The following RBFOX1 variants were observed in gnomAD, a reference collection of about 807,000 sequenced individuals.
RBFOX1 encodes the protein RNA binding protein fox-1 homolog 1.
A neutral mutation model predicts 57.7 loss-of-function variants in RBFOX1; 8 were observed. The ratio of observed to expected loss-of-function variants is 0.14; its 90% CI spans 0.08 to 0.25. The LOEUF (loss-of-function observed/expected upper bound fraction) is 0.25. Among genes scored for constraint, RBFOX1 ranks in the 10% least tolerant of loss-of-function variants. The pLI is 1.00. For missense variants in RBFOX1, 611 were observed against 548.5 expected (o/e 1.11, Z -1.14); for synonymous variants, 326 against 222.4 (o/e 1.47, Z -4.15).
chr16:5,353,437 C>T (rs183922130), intron 1 of RBFOX1, among the ~76,000 whole-genome samples: 4 of 152,148 alleles, frequency 2.6e-5, no homozygotes, highest in Admixed American at 6.5e-5. Context: ...TTCCTCCGCC[C>T]CTCTGTGTGT....
At chr16:7,037,575 A>G (rs2044885697) in intron 3 of RBFOX1, among the ~76,000 whole-genome samples, 1 of 152,172 alleles carries the variant, frequency 6.6e-6, no homozygotes, top group South Asian at 2.1e-4. Context: ...CAAATGGACT[A>G]CTGAATTCAG....
chr16:5,965,998 C>T (rs2059836327), intron 4 of RBFOX1, among the ~76,000 whole-genome samples: 1 of 152,184 alleles, frequency 6.6e-6, no homozygotes, highest in Non-Finnish European at 1.5e-5. Flanking sequence ...TTGCTGCCCC[C>T]AACAGTTTCC....
At chr16:6,185,412 A>G (rs964672695) in intron 1 of RBFOX1, among the ~76,000 whole-genome samples, 3 of 152,230 alleles carry the variant, frequency 2.0e-5, no homozygotes, top group African/African-American at 7.2e-5. Context: ...TAAGCTGATT[A>G]TCTCCATTTT....
intron 2 of RBFOX1, among the ~76,000 whole-genome samples, chr16:6,482,793 A>T (rs1390096039): frequency 6.6e-6 from 1 of 152,182 alleles, no homozygotes; most frequent in Non-Finnish European, 1.5e-5. Context: ...TTTTACCAGT[A>T]TTTCTAGGTG....
chr16:5,840,385 T>G (rs2056589338), intron 3 of RBFOX1, among the ~76,000 whole-genome samples: 1 of 152,148 alleles, frequency 6.6e-6, no homozygotes, highest in Non-Finnish European at 1.5e-5. Context: ...CCCCAGCGTC[T>G]GAGGGCGCAT....
At chr16:7,543,732 A>G (rs1226659564) in intron 5 of RBFOX1, among the ~76,000 whole-genome samples, 1 of 145,998 alleles carries the variant, frequency 6.8e-6, no homozygotes, top group Non-Finnish European at 1.5e-5. Flanking sequence ...TATTTTTTAT[A>G]TATTTATTTT....
Position 5,424,974 on chromosome 16 carries a change from C to CTTTTCTTTTCT in RBFOX1, c.220-42239_220-42238insTCTTTTCTTTT, listed in dbSNP as rs747960592. Among the ~76,000 whole-genome samples, 12 of 70,628 alleles carry CTTTTCTTTTCT rather than the reference C, an allele frequency of 1.7e-4. 1 individual carries two copies. The highest frequency in any genetic ancestry group is 6.7e-4 in the African/African-American group (11 of 16,446). 46.3% of individuals were successfully genotyped at this position (70,628 alleles called of 152,430 possible). On this transcript the variant is annotated intron_variant, in intron 1 of 2. Coordinates refer to the RBFOX1 transcript ENST00000585867. ...TTCCTTTGTTTCTTTCTCTTTCTTT[C>CTTTTCTTTTCT]TTTCTTTTCTTTTCTTTTCTTTTCT...
rs145585450 is a variant in RBFOX1 at position 6,934,851 on chromosome 16, C to T, written c.-15-117206C>T. The stretch of plus-strand genomic sequence containing the variant: ...AGGTAATCCCAGCACTTTGGAAGGC[C>T]GAGGCTGGCAGATGACTTGAGCTCA... On this transcript the variant is annotated intron_variant, in intron 3 of 15. Coordinates refer to ENST00000550418, the MANE Select transcript of RBFOX1 (RefSeq NM_018723.4). Among the ~76,000 whole-genome samples the T allele has an allele frequency of 4.6e-5, 7 of 151,992 alleles. No individual in the cohort carries two copies. In the East Asian group the frequency reaches 5.8e-4, roughly 13 times the overall value.
At chr16:7,367,984 G>A (rs192580202) in intron 4 of RBFOX1, among the ~76,000 whole-genome samples, 1 of 152,112 alleles carries the variant, frequency 6.6e-6, no homozygotes, top group African/African-American at 2.4e-5. Context: ...TCTAAAGAGA[G>A]AGCCAGGCAT....
At position 6,323,871 on chromosome 16, in the gene RBFOX1, C is replaced by G. The variant is rs112402395; in HGVS notation, c.-64+6814C>G. ...CACTGCAACCTACATCTCCAAGATT[C>G]AAGCTATTCTTGTGCCTCAGCCTCT... On this transcript the variant is annotated intron_variant, in intron 2 of 15. Coordinates refer to ENST00000550418, the MANE Select transcript of RBFOX1 (RefSeq NM_018723.4). Among the ~76,000 whole-genome samples, 1,122 of 152,114 alleles carry G rather than the reference C, an allele frequency of 7.4e-3. 10 individuals carry two copies. Among genetic ancestry groups the G allele is most frequent in the African/African-American group, 0.024 (989 of 41,484 alleles).
intron 1 of RBFOX1, among the ~76,000 whole-genome samples, chr16:6,023,267 C>CTATATATA (rs58852639): frequency 3.4e-5 from 5 of 147,560 alleles, no homozygotes; most frequent in African/African-American, 5.0e-5. Context: ...ATAATTGAAG[C>CTATATATA]TATATATATA....
intron 10 of RBFOX1, among the ~76,000 whole-genome samples, chr16:7,619,517 A>G (rs1398584754): frequency 6.6e-6 from 1 of 152,270 alleles, no homozygotes; most frequent in Middle Eastern, 3.4e-3. Context: ...GAGAAGGCTT[A>G]GAAGGCAATT....
At chr16:5,904,082 CCT>C (rs1422681830) in intron 4 of RBFOX1, among the ~76,000 whole-genome samples, 1 of 152,112 alleles carries the variant, frequency 6.6e-6, no homozygotes, top group East Asian at 1.9e-4. Flanking sequence ...TCCCTGCTCC[CCT>C]GTGTCATGAT....
At chr16:5,413,219 A>T (rs1466641978) in intron 1 of RBFOX1, among the ~76,000 whole-genome samples, 2 of 152,026 alleles carry the variant, frequency 1.3e-5, no homozygotes, top group African/African-American at 2.4e-5. Context: ...AAAACCTGGC[A>T]TTTTCTACCA....
chr16:6,502,589 G>A lies in RBFOX1; in HGVS notation c.-63-152014G>A, dbSNP rs899539573. Among the ~76,000 whole-genome samples the A allele has an allele frequency of 5.9e-5, 9 of 152,266 alleles. No individual in the cohort carries two copies. In the East Asian group the frequency reaches 1.7e-3, roughly 29 times the overall value. The stretch of plus-strand genomic sequence containing the variant: ...TTAGTAATTATTAACTACTATGAGA[G>A]AGGTCAAGGAGGGGAGGGAGAGGTG... On this transcript the variant is annotated intron_variant, in intron 2 of 15. Transcript: ENST00000550418.
chr16:6,062,076 A>C (rs1167503492), intron 1 of RBFOX1, among the ~76,000 whole-genome samples: 2 of 152,134 alleles, frequency 1.3e-5, no homozygotes, highest in Non-Finnish European at 2.9e-5. Flanking sequence ...AAAGGATATT[A>C]CAATGGATAG....
chr16:5,880,799 C>G (rs535801514), intron 4 of RBFOX1, among the ~76,000 whole-genome samples: 1 of 152,168 alleles, frequency 6.6e-6, no homozygotes, highest in Non-Finnish European at 1.5e-5. Context: ...TACTTAGAAT[C>G]ACAAAGGAAA....
At position 5,744,736 on chromosome 16, in the gene RBFOX1, G is replaced by T. The variant is rs570382968; in HGVS notation, c.319-122567G>T. Among the ~76,000 whole-genome samples the T allele has an allele frequency of 2.0e-5, 3 of 152,278 alleles. No individual in the cohort carries two copies. In the East Asian group the frequency reaches 5.8e-4, roughly 29 times the overall value. On this transcript the variant is annotated intron_variant, in intron 3 of 19. Coordinates refer to the RBFOX1 transcript ENST00000641259. ...GGTGGTCATTTTCTTGTGATTAAGT[G>T]ACGTGATTGTGAAGAAATTGTGCTT...
chr16:6,981,150 C>G (rs945615069), intron 3 of RBFOX1, among the ~76,000 whole-genome samples: 17 of 150,542 alleles, frequency 1.1e-4, no homozygotes, highest in Non-Finnish European at 2.5e-4. Flanking sequence ...TACAGGTACA[C>G]TTGCAGGTTT....
Sources: allele counts gnomAD v4.1 joint callset (sites outside exome capture counted in the v4.1 genomes callset), GRCh38; gene constraint gnomAD v4.1.1; transcripts MANE v1.5; gene names NCBI Gene and HGNC (gene_info 2026-07-23, HGNC 2026-07-21).